Variants in PAM observed in about 807,000 individuals in gnomAD.
PAM encodes peptidylglycine alpha-amidating monooxygenase.
Under a neutral mutation model 122.1 loss-of-function variants are expected in PAM, and 72 were observed. The ratio of observed to expected loss-of-function variants is 0.59; its 90% confidence interval spans 0.49 to 0.72. The LOEUF (loss-of-function observed/expected upper bound fraction) is 0.72, where lower values mean the gene tolerates loss of function less well. Among genes scored for constraint, PAM ranks in the 30% least tolerant of loss-of-function variants. PAM has a pLI of 0.00. For synonymous variants in PAM, 389 were observed against 404.4 expected, an observed-to-expected ratio of 0.96 and a Z score of 0.46; for missense variants, 1,106 against 1,183.7, an observed-to-expected ratio of 0.93 and a Z score of 0.96.
chr5:102,819,962 C>T (rs969500953), intron 1 of PAM, among the ~76,000 whole-genome samples: 9 of 152,078 alleles, frequency 5.9e-5, no homozygotes, highest in Non-Finnish European at 1.0e-4. Flanking sequence ...TCCCCATCAT[C>T]GCATGATACT....
chr5:103,009,230 A>G (rs1779927426), intron 20 of PAM, among the ~76,000 whole-genome samples: 1 of 152,208 alleles, frequency 6.6e-6, no homozygotes, highest in African/African-American at 2.4e-5. Context: ...TATGTCTTTG[A>G]TAATCTGAAA....
chr5:102,793,237 T>G (rs1228080599), intron 1 of PAM, among the ~76,000 whole-genome samples: 1 of 152,144 alleles, frequency 6.6e-6, no homozygotes, highest in Non-Finnish European at 1.5e-5. Flanking sequence ...AGTTAAAGAC[T>G]TGTAAATTGG....
At chr5:102,854,159 A>G (rs1255231884) in intron 1 of PAM, among the ~76,000 whole-genome samples, 1 of 152,204 alleles carries the variant, frequency 6.6e-6, no homozygotes, top group Non-Finnish European at 1.5e-5. Context: ...GACCTAGCTT[A>G]TAGGATGTCA....
At chr5:102,918,870 G>A (rs773696687) in intron 5 of PAM, among the ~76,000 whole-genome samples, 1 of 151,858 alleles carries the variant, frequency 6.6e-6, no homozygotes, top group Non-Finnish European at 1.5e-5. Flanking sequence ...AAAACGAGTG[G>A]GCTTCTTATG....
chr5:102,925,899 T>TG (rs1749286714), intron 6 of PAM, among the ~76,000 whole-genome samples: 1 of 152,204 alleles, frequency 6.6e-6, no homozygotes, highest in Non-Finnish European at 1.5e-5. Context: ...AAAAAATCAC[T>TG]GAGATAATGG....
intron 1 of PAM, among the ~76,000 whole-genome samples, chr5:102,781,651 A>T (rs1580995329): frequency 6.6e-6 from 1 of 152,234 alleles, no homozygotes; most frequent in Non-Finnish European, 1.5e-5. Context: ...CTAAGTCTTG[A>T]TAGGAAATAA....
chr5:102,842,205 A>AATAT (rs71226933), intron 1 of PAM, among the ~76,000 whole-genome samples: 6,977 of 142,944 alleles, frequency 0.049, 231 homozygotes, highest in African/African-American at 0.075. Flanking sequence ...ATACAACCTA[A>AATAT]ATATATATAT....
chr5:102,979,934 G>A (rs1582484071), intron 15 of PAM, among the ~76,000 whole-genome samples: 1 of 151,882 alleles, frequency 6.6e-6, no homozygotes, highest in South Asian at 2.1e-4. Context: ...CATAAAAAGT[G>A]TTATATGTCA....
intron 15 of PAM, among the ~76,000 whole-genome samples, chr5:102,988,091 G>A (rs1356297325): frequency 6.6e-6 from 1 of 151,856 alleles, no homozygotes; most frequent in Non-Finnish European, 1.5e-5. Context: ...CAGAAATCAG[G>A]GTCAGCTAAT....
At position 102,865,909 on chromosome 5, in the gene PAM, C is replaced by G; in HGVS notation, c.-287C>G. On this transcript the variant is annotated 5_prime_UTR_variant, in exon 2 of 26. Coordinates refer to ENST00000438793, the MANE Select transcript of PAM (RefSeq NM_001177306.2). ...GTCATAAGGCACCCGCGCGTCTAGC[C>G]CCAGCGCCAGGGCACGCGAGCGGCG... The G allele has an allele frequency of 2.7e-6, 1 of 363,656 alleles. No individual in the cohort carries two copies. The highest frequency in any genetic ancestry group is 4.9e-6 in the Non-Finnish European group (1 of 205,256). 22.5% of individuals were successfully genotyped at this position (363,656 alleles called of 1,614,324 possible).
At chr5:102,759,633 A>G (rs138136554) in intron 1 of PAM, among the ~76,000 whole-genome samples, 3 of 152,342 alleles carry the variant, frequency 2.0e-5, no homozygotes, top group African/African-American at 7.2e-5. Context: ...GGGCCAAACC[A>G]GACAAATCTG....
intron 12 of PAM, among the ~76,000 whole-genome samples, chr5:102,954,012 C>G (rs1759867223): frequency 6.6e-6 from 1 of 151,786 alleles, no homozygotes; most frequent in South Asian, 2.1e-4. Context: ...ATAACAGGAG[C>G]AATGTTTCCC....
intron 1 of PAM, among the ~76,000 whole-genome samples, chr5:102,817,894 C>A (rs545065601): frequency 6.6e-6 from 1 of 151,880 alleles, no homozygotes; most frequent in South Asian, 2.1e-4. Context: ...CATGTTGGGC[C>A]TTTTTAATTG....
chr5:102,827,787 C>T (rs112166884), intron 1 of PAM, among the ~76,000 whole-genome samples: 1 of 57,746 alleles, frequency 1.7e-5, no homozygotes, highest in Non-Finnish European at 2.9e-5. Context: ...CCCGGGTTCA[C>T]GCCATTCTCC....
chr5:102,926,919 C>T (rs950722637), intron 7 of PAM, among the ~76,000 whole-genome samples: 5 of 152,070 alleles, frequency 3.3e-5, no homozygotes, highest in Non-Finnish European at 4.4e-5. Flanking sequence ...CTCTTGCCTT[C>T]TAGTGTATTG....
intron 4 of PAM, among the ~76,000 whole-genome samples, chr5:102,909,629 C>T (rs760031385): frequency 5.3e-5 from 8 of 151,654 alleles, no homozygotes; most frequent in South Asian, 2.1e-4. Flanking sequence ...ATGGGGGAGG[C>T]GAGAAGGGAC....
chr5:102,931,257 T>G (rs1470249129), intron 7 of PAM, among the ~76,000 whole-genome samples: 1 of 152,178 alleles, frequency 6.6e-6, no homozygotes, highest in Non-Finnish European at 1.5e-5. Context: ...CTGTTTTGAG[T>G]GTGTCACGTT....
At chr5:102,775,685 G>T (rs78433246) in intron 1 of PAM, among the ~76,000 whole-genome samples, 98 of 152,140 alleles carry the variant, frequency 6.4e-4, no homozygotes, top group African/African-American at 2.2e-3. Context: ...CCTTTTTATG[G>T]CTGCATGATA....
intron 1 of PAM, among the ~76,000 whole-genome samples, chr5:102,817,154 T>C (rs1361870452): frequency 1.3e-5 from 2 of 152,196 alleles, no homozygotes; most frequent in Non-Finnish European, 2.9e-5. Flanking sequence ...TTTTATATAC[T>C]CTTAAATATT....
Sources: gnomAD v4.1 joint callset for allele counts (sites outside exome capture counted in the v4.1 genomes callset) on GRCh38, gnomAD v4.1.1 for gene constraint, MANE v1.5 for transcripts, NCBI Gene and HGNC (gene_info 2026-07-23, HGNC 2026-07-21) for gene names.